CDH13: variants seen among roughly 807,000 people sequenced by gnomAD.
CDH13 encodes cadherin-13.
A neutral mutation model predicts 63.8 loss-of-function variants in CDH13; 24 were observed. The ratio of observed to expected loss-of-function variants is 0.38; its 90% CI spans 0.27 to 0.53. The LOEUF is 0.53. CDH13 is among the 20% of genes least tolerant of loss of function. The pLI is 0.85. For missense variants in CDH13, 1,049 were observed against 903.1 expected (o/e 1.16, Z -2.07); for synonymous variants, 503 against 355.3 (o/e 1.42, Z -4.67).
At chr16:83,070,532 G>A (rs553139253) in intron 3 of CDH13, among the ~76,000 whole-genome samples, 2 of 152,166 alleles carry the variant, frequency 1.3e-5, no homozygotes, top group East Asian at 3.9e-4. Flanking sequence ...CCTTGGTGCA[G>A]TATTAAAAAA....
At chr16:83,326,342 G>T (rs2090360928) in intron 5 of CDH13, among the ~76,000 whole-genome samples, 1 of 151,660 alleles carries the variant, frequency 6.6e-6, no homozygotes, top group South Asian at 2.1e-4. Flanking sequence ...TTCTTTAAGG[G>T]GTAGCATAAA....
chr16:83,342,739 C>A (rs1467343549), intron 5 of CDH13, among the ~76,000 whole-genome samples: 1 of 151,808 alleles, frequency 6.6e-6, no homozygotes, highest in Non-Finnish European at 1.5e-5. Flanking sequence ...GATTACCTAT[C>A]CTACTTGTAG....
intron 6 of CDH13, among the ~76,000 whole-genome samples, chr16:83,453,747 CCACCA>C (rs2072945102): frequency 4.1e-3 from 1 of 246 alleles, no homozygotes; most frequent in Non-Finnish European, 0.018. Context: ...AACTCTTTAT[CCACCA>C]TGTATCTCCA....
chr16:83,706,879 T>C (rs1029435786), intron 10 of CDH13, among the ~76,000 whole-genome samples: 8 of 152,014 alleles, frequency 5.3e-5, no homozygotes, highest in Non-Finnish European at 1.0e-4. Flanking sequence ...TCTGAAAACA[T>C]TGTACGCTCC....
intron 6 of CDH13, among the ~76,000 whole-genome samples, chr16:83,475,753 G>A (rs1295075976): frequency 1.3e-5 from 2 of 152,082 alleles, no homozygotes; most frequent in Non-Finnish European, 2.9e-5. Flanking sequence ...GGCTAAATTT[G>A]TTTGCATTTT....
Position 83,486,519 on chromosome 16 carries a change from C to T in CDH13, c.824C>T (p.Pro275Leu). The change falls in exon 7 of 14, where the codon CCA becomes CTA. Residue 275 changes from proline (P) to leucine (L), a missense_variant. By Grantham distance (98) the Pro-to-Leu change is moderately conservative (BLOSUM62 -3). Transcript: ENST00000567109. Reference sequence around the variant, plus strand: ...ATGACAGCCTTTGATGCAGATGACCCAGCCACCGATAATGCCCTCCTGCGG... The same window carrying T: ...ATGACAGCCTTTGATGCAGATGACCTAGCCACCGATAATGCCCTCCTGCGG... ...MRMTAFDADD[P>L]ATDNALLRYN... The T allele has an allele frequency of 6.2e-7, 1 of 1,613,844 alleles. No individual in the cohort carries two copies. The highest frequency in any genetic ancestry group is 8.5e-7 in the Non-Finnish European group (1 of 1,179,830).
At chr16:83,126,302 G>C (rs558342262) in intron 4 of CDH13, among the ~76,000 whole-genome samples, 138 of 152,316 alleles carry the variant, frequency 9.1e-4, no homozygotes, top group Non-Finnish European at 9.4e-4. Flanking sequence ...GTTAGTCCCT[G>C]CTTCTGTGTC....
intron 7 of CDH13, among the ~76,000 whole-genome samples, chr16:83,525,711 C>T (rs1391505136): frequency 1.3e-5 from 2 of 152,122 alleles, no homozygotes; most frequent in Admixed American, 6.5e-5. Flanking sequence ...ATTAAGGAGT[C>T]CTTGAGTCGG....
chr16:83,559,569 A>G (rs938732562), intron 7 of CDH13, among the ~76,000 whole-genome samples: 1 of 121,306 alleles, frequency 8.2e-6, no homozygotes, highest in African/African-American at 3.7e-5. Context: ...GAAACTGTAT[A>G]AAAAGAAAGA....
At chr16:83,475,590 T>G (rs945132679) in intron 6 of CDH13, among the ~76,000 whole-genome samples, 1 of 152,144 alleles carries the variant, frequency 6.6e-6, no homozygotes, top group Non-Finnish European at 1.5e-5. Flanking sequence ...TTGTTGTTGT[T>G]ACTGTTTTTG....
intron 7 of CDH13, among the ~76,000 whole-genome samples, chr16:83,573,275 T>C (rs1904810180): frequency 6.6e-6 from 1 of 152,204 alleles, no homozygotes; most frequent in African/African-American, 2.4e-5. Flanking sequence ...AAACTATGTG[T>C]ATTTTAAATG....
At chr16:83,038,702 A>C (rs1312867423) in intron 3 of CDH13, among the ~76,000 whole-genome samples, 1 of 152,218 alleles carries the variant, frequency 6.6e-6, no homozygotes, top group Non-Finnish European at 1.5e-5. Context: ...TAGTTTCAAA[A>C]GTTTACACAG....
intron 1 of CDH13, among the ~76,000 whole-genome samples, chr16:82,852,200 T>A (rs1244495419): frequency 1.3e-5 from 2 of 152,238 alleles, no homozygotes; most frequent in African/African-American, 4.8e-5. Context: ...TCAGTCCTGA[T>A]ATTTTTCACT....
chr16:83,109,674 C>G (rs1047158767), intron 3 of CDH13, among the ~76,000 whole-genome samples: 4 of 152,092 alleles, frequency 2.6e-5, no homozygotes, highest in South Asian at 4.1e-4. Context: ...GCTGTGGAGG[C>G]AGGAGTACAT....
At chr16:83,383,349 C>A (rs2091607384) in intron 6 of CDH13, 1 of 152,206 alleles carries the variant, frequency 6.6e-6, no homozygotes. Flanking sequence ...AAAAAGTCAC[C>A]ATTTTCCCCT....
intron 6 of CDH13, among the ~76,000 whole-genome samples, chr16:83,472,462 C>G (rs2073480994): frequency 6.6e-6 from 1 of 152,178 alleles, no homozygotes; most frequent in Admixed American, 6.5e-5. Context: ...ACTCTGGAGC[C>G]CTGAGGTCGG....
chr16:82,681,185 A>G (rs1438138294), intron 1 of CDH13, among the ~76,000 whole-genome samples: 1 of 152,270 alleles, frequency 6.6e-6, no homozygotes, highest in Non-Finnish European at 1.5e-5. Context: ...CAGCCAGAAG[A>G]AGGAATGAAG....
chr16:83,118,648 G>A (rs536734277), intron 3 of CDH13, among the ~76,000 whole-genome samples: 8 of 151,984 alleles, frequency 5.3e-5, no homozygotes, highest in East Asian at 3.9e-4. Flanking sequence ...TTTTTCTACC[G>A]TTTCTGCAGT....
intron 11 of CDH13, among the ~76,000 whole-genome samples, chr16:83,771,097 C>T (rs1487022114): frequency 1.3e-5 from 2 of 152,182 alleles, no homozygotes; most frequent in African/African-American, 4.8e-5. Context: ...CTCAAAGCAA[C>T]AGCCTGCCTG....
Sources: allele counts gnomAD v4.1 joint callset (sites outside exome capture counted in the v4.1 genomes callset), GRCh38; gene constraint gnomAD v4.1.1; transcripts MANE v1.5; gene names NCBI Gene and HGNC (gene_info 2026-07-23, HGNC 2026-07-21).